KIAA0319L: variants seen among roughly 807,000 people sequenced by gnomAD.
KIAA0319L encodes dyslexia-associated protein KIAA0319-like protein.
Under a neutral mutation model 120.1 loss-of-function variants are expected in KIAA0319L, and 55 were observed. The ratio of observed to expected loss-of-function variants is 0.46; its 90% CI spans 0.37 to 0.57. The LOEUF is 0.57. Ranked by LOEUF, KIAA0319L falls within the 20% of genes least tolerant of loss-of-function variation. The pLI, the probability that KIAA0319L is intolerant of heterozygous loss-of-function variation, is 0.00. For synonymous variants in KIAA0319L, 398 were observed against 471.9 expected (o/e 0.84, Z 2.03); for missense variants, 1,049 against 1,255.3 (o/e 0.84, Z 2.48).
At chr1:35,488,805 A>G (rs953918273) in intron 3 of KIAA0319L, among the ~76,000 whole-genome samples, 1 of 152,204 alleles carries the variant, frequency 6.6e-6, no homozygotes, top group Non-Finnish European at 1.5e-5. Context: ...ACTGAAAAGA[A>G]TACACTGCAA....
At chr1:35,543,435 G>A (rs1646866664) in intron 2 of KIAA0319L, among the ~76,000 whole-genome samples, 1 of 152,178 alleles carries the variant, frequency 6.6e-6, no homozygotes, top group Non-Finnish European at 1.5e-5. Context: ...TATTCCATTA[G>A]TCATCTGCCT....
At chr1:35,436,020 T>A (rs1359992494) in intron 20 of KIAA0319L, among the ~76,000 whole-genome samples, 1 of 151,964 alleles carries the variant, frequency 6.6e-6, no homozygotes, top group African/African-American at 2.4e-5. Flanking sequence ...CTAAAAAAGG[T>A]AACCAGTCAG....
intron 3 of KIAA0319L, among the ~76,000 whole-genome samples, chr1:35,482,498 C>T (rs868734553): frequency 5.8e-4 from 87 of 150,218 alleles, no homozygotes; most frequent in African/African-American, 2.1e-3. Flanking sequence ...GGCGCAATCT[C>T]GGTTCACCAC....
At chr1:35,443,100 T>C in intron 17 of KIAA0319L, 72 bp from the exon 18 acceptor site, 5 of 1,588,832 alleles carry the variant, frequency 3.1e-6, no homozygotes, top group Non-Finnish European at 4.3e-6. Flanking sequence ...CTAGAGCCCA[T>C]GAGGGCACCA....
In KIAA0319L at chr1:35,462,703, C is replaced by T. The variant is rs747448348; in HGVS notation, c.1212G>A (p.Lys404=). The T allele has an allele frequency of 3.7e-6, 6 of 1,613,932 alleles. No individual in the cohort carries two copies. The Admixed American group carries it at 1.0e-4, about 27-fold the overall frequency. The change falls in exon 8 of 21, where the codon AAG becomes AAA. Residue 404 remains lysine, a synonymous_variant. Transcript: ENST00000325722. ...ACACAATAGCAATGGGGGGCCGATT[C>T]TTACGGGGCTCTGCAAGAAAGTGAC... ...VNVTVKPEPR[K]NRPPIAIVSP...
At chr1:35,439,428 T>C (rs1641038543) in intron 20 of KIAA0319L, 1 of 152,218 alleles carries the variant, frequency 6.6e-6, no homozygotes, top group East Asian at 1.9e-4. Flanking sequence ...TTCACCACAA[T>C]ATAAGCAGTG....
At chr1:35,540,911 A>T (rs1646760423) in intron 2 of KIAA0319L, among the ~76,000 whole-genome samples, 1 of 151,880 alleles carries the variant, frequency 6.6e-6, no homozygotes, top group South Asian at 2.1e-4. Flanking sequence ...GAGGGCAGAA[A>T]CCGTATCTGT....
intron 3 of KIAA0319L, among the ~76,000 whole-genome samples, chr1:35,491,792 G>C (rs763239069): frequency 6.6e-6 from 1 of 152,086 alleles, no homozygotes; most frequent in Non-Finnish European, 1.5e-5. Flanking sequence ...AGACACAAAT[G>C]ATCAATATGA....
At chr1:35,480,258 C>T (rs1351041370) in intron 3 of KIAA0319L, among the ~76,000 whole-genome samples, 1 of 151,958 alleles carries the variant, frequency 6.6e-6, no homozygotes, top group Admixed American at 6.6e-5. Flanking sequence ...AGGCAAAGAC[C>T]AGATGGAAAA....
At position 35,517,060 on chromosome 1, in the gene KIAA0319L, A is replaced by C. The variant is rs146977507; in HGVS notation, c.143-9925T>G. The stretch of plus-strand genomic sequence containing the variant: ...AAACACTGCTGAAAAAAATCAGAGA[A>C]GACACAAATAAATGGAAAAACATGC... On this transcript the variant is annotated intron_variant, in intron 2 of 20. Coordinates refer to ENST00000325722, the MANE Select transcript of KIAA0319L (RefSeq NM_024874.5). Among the ~76,000 whole-genome samples, 89 of 152,298 alleles carry C rather than the reference A, an allele frequency of 5.8e-4. No individual in the cohort carries two copies. The East Asian group carries it at 0.017, about 29-fold the overall frequency.
Position 35,449,975 on chromosome 1 carries a change from T to C in KIAA0319L, c.2245A>G (p.Ile749Val), listed in dbSNP as rs778228769. 3 of 1,614,112 alleles carry C rather than the reference T, an allele frequency of 1.9e-6. No homozygotes were observed. The highest frequency in any genetic ancestry group is 1.7e-6 in the Non-Finnish European group (2 of 1,179,998). Residue 749 changes from isoleucine (I) to valine (V), a missense_variant, in exon 15 of 21, where the codon ATC becomes GTC. Ile to Val is a conservative substitution (Grantham distance 29). Transcript: ENST00000325722. Reference protein sequence around the residue: ...EVLNHSDHHPILFLSNLVEGT... With the variant: ...EVLNHSDHHPVLFLSNLVEGT... ...TCAACCAGGTTTGAAAGAAAAAGGATAGGGTGATGGTCAGAGTGATTTAAC... is the reference window on the plus strand; with the variant it reads ...TCAACCAGGTTTGAAAGAAAAAGGACAGGGTGATGGTCAGAGTGATTTAAC...
At chr1:35,445,412 T>C (rs1234643711) in intron 16 of KIAA0319L, among the ~76,000 whole-genome samples, 1 of 152,214 alleles carries the variant, frequency 6.6e-6, no homozygotes, top group African/African-American at 2.4e-5. Context: ...TTTCGGTCTA[T>C]ATATCAATAA....
chr1:35,456,844 GAGA>G, intron 9 of KIAA0319L, among the ~76,000 whole-genome samples: 1 of 139,764 alleles, frequency 7.2e-6, no homozygotes, highest in African/African-American at 2.6e-5. Context: ...AGGAAGGAAG[GAGA>G]GATGGAGGGA....
At chr1:35,551,283 C>A (rs1647187528) in intron 2 of KIAA0319L, among the ~76,000 whole-genome samples, 1 of 152,038 alleles carries the variant, frequency 6.6e-6, no homozygotes, top group Admixed American at 6.6e-5. Flanking sequence ...ATTTTAACTT[C>A]TTATTTATGG....
intron 10 of KIAA0319L, 136 bp from the exon 11 acceptor site, chr1:35,454,621 G>T: frequency 7.0e-7 from 1 of 1,435,956 alleles, no homozygotes; most frequent in Non-Finnish European, 9.2e-7. Flanking sequence ...TACCAGTTCA[G>T]CATGTGAGTG....
At chr1:35,532,247 A>C (rs1646398698) in intron 2 of KIAA0319L, among the ~76,000 whole-genome samples, 1 of 152,184 alleles carries the variant, frequency 6.6e-6, no homozygotes, top group Non-Finnish European at 1.5e-5. Flanking sequence ...TCTCAAAAAA[A>C]AAAAAAAAGA....
intron 2 of KIAA0319L, among the ~76,000 whole-genome samples, chr1:35,525,084 TTGAG>T (rs1646069972): frequency 6.6e-6 from 1 of 152,170 alleles, no homozygotes; most frequent in African/African-American, 2.4e-5. Context: ...GCTCCCCCAT[TTGAG>T]TAAGTATATG....
At chr1:35,545,853 C>A (rs1646962404) in intron 2 of KIAA0319L, among the ~76,000 whole-genome samples, 1 of 152,092 alleles carries the variant, frequency 6.6e-6, no homozygotes, top group Admixed American at 6.5e-5. Context: ...CAAGATTGTG[C>A]CACTGTACTC....
chr1:35,448,271 C>T lies in KIAA0319L; in HGVS notation c.2415G>A (p.Glu805=), dbSNP rs1570631929. The part of the protein sequence containing the change: ...ILDINVSQLT[E]RLKGMFIRQI... ...GGCGGATGAACATCCCCTTCAGCCT[C>T]TCAGTTAGCTGACTGACGTTGATAT... Residue 805 remains glutamate, a synonymous_variant, in exon 16 of 21, where the codon GAG becomes GAA. Coordinates refer to ENST00000325722, the MANE Select transcript of KIAA0319L (RefSeq NM_024874.5). 2 of 1,614,098 alleles carry T rather than the reference C, an allele frequency of 1.2e-6. No homozygotes were observed. Among genetic ancestry groups the T allele is most frequent in the East Asian group, 2.2e-5 (1 of 44,882 alleles).
Sources: gnomAD v4.1 joint callset for allele counts (sites outside exome capture counted in the v4.1 genomes callset) on GRCh38, gnomAD v4.1.1 for gene constraint, MANE v1.5 for transcripts, NCBI Gene and HGNC (gene_info 2026-07-23, HGNC 2026-07-21) for gene names.